Variants in METTL8 observed in about 807,000 individuals in gnomAD.
The protein encoded by METTL8 is methyltransferase 8, tRNA N3-cytidine.
In METTL8, 32 loss-of-function variants were observed where a neutral mutation model predicts 48.7. The ratio of observed to expected loss-of-function variants is 0.66; its 90% CI spans 0.50 to 0.88. METTL8 has a LOEUF of 0.88. Ranked by LOEUF, METTL8 falls within the 40% of genes least tolerant of loss-of-function variation. The pLI is 0.00. For synonymous variants in METTL8, 136 were observed against 157.1 expected (o/e 0.87, Z 1.01); for missense variants, 464 against 474.4 (o/e 0.98, Z 0.20).
intron 4 of METTL8, among the ~76,000 whole-genome samples, 168 bp downstream of exon 4, chr2:171,339,016 T>A (rs1686425539): frequency 6.6e-6 from 1 of 152,144 alleles, no homozygotes; most frequent in Admixed American, 6.5e-5. Context: ...CTTGACTGAT[T>A]AAAGACATGA....
chr2:171,329,856 C>T (rs1685341182), intron 7 of METTL8, among the ~76,000 whole-genome samples: 3 of 152,180 alleles, frequency 2.0e-5, no homozygotes. Flanking sequence ...CTTATGAAAG[C>T]ACAGACCTGG....
Position 171,339,445 on chromosome 2 carries a change from A to G in METTL8, c.345T>C (p.Leu115=). Residue 115 remains leucine, a synonymous_variant, in exon 4 of 10, where the codon CTT becomes CTC. Coordinates refer to ENST00000375258, the MANE Select transcript of METTL8 (RefSeq NM_001321154.2). ...TCTCTTCAGGTTTTTGATCAACTGG[A>G]AGAATTTCAGGAAATTCCCTCAACA... ...NWLLREFPEI[L]PVDQKPEEKA... is the part of the protein sequence containing the mutation. The G allele has an allele frequency of 1.2e-6, 2 of 1,613,576 alleles. No homozygotes were observed. Among genetic ancestry groups the G allele is most frequent in the East Asian group, 2.2e-5 (1 of 44,852 alleles).
intron 2 of METTL8, among the ~76,000 whole-genome samples, chr2:171,373,572 T>G (rs936810229): frequency 1.4e-4 from 22 of 152,258 alleles, no homozygotes; most frequent in Admixed American, 5.9e-4. Context: ...ATGTCCTGAA[T>G]GGTATTGCCT....
chr2:171,408,452 G>A (rs745652514), intron 1 of METTL8, among the ~76,000 whole-genome samples: 4 of 151,858 alleles, frequency 2.6e-5, no homozygotes, highest in Admixed American at 6.6e-5. Context: ...GCACCACCAC[G>A]CTTGGCTTTT....
chr2:171,351,948 CCTTT>C (rs1683978541), intron 3 of METTL8, among the ~76,000 whole-genome samples: 1 of 150,952 alleles, frequency 6.6e-6, no homozygotes, highest in Non-Finnish European at 1.5e-5. Context: ...AATTGAATTC[CCTTT>C]CTTTCTCTTG....
chr2:171,397,553 C>CAAA (rs34936693), intron 1 of METTL8, among the ~76,000 whole-genome samples: 32 of 52,040 alleles, frequency 6.1e-4, no homozygotes, highest in East Asian at 2.0e-3. Flanking sequence ...AACCCTGCCT[C>CAAA]AAAAAAAAAA....
intron 1 of METTL8, among the ~76,000 whole-genome samples, chr2:171,405,908 C>A (rs1301479216): frequency 1.3e-5 from 2 of 151,718 alleles, no homozygotes; most frequent in Non-Finnish European, 2.9e-5. Flanking sequence ...AGGTAGGGGG[C>A]ATGAGAAAAG....
chr2:171,356,505 A>G (rs1382361216), intron 3 of METTL8, among the ~76,000 whole-genome samples: 1 of 152,126 alleles, frequency 6.6e-6, no homozygotes, highest in Non-Finnish European at 1.5e-5. Flanking sequence ...TCTATATTGA[A>G]CATGAGGTCT....
At chr2:171,415,536 C>T (rs1261283037) in intron 1 of METTL8, among the ~76,000 whole-genome samples, 1 of 151,356 alleles carries the variant, frequency 6.6e-6, no homozygotes, top group Non-Finnish European at 1.5e-5. Context: ...ATTTTTAGTA[C>T]AGGTGGGGTT....
At position 171,318,761 on chromosome 2, in the gene METTL8, A is replaced by G. The variant is rs1322234570; in HGVS notation, c.*5411T>C. On this transcript the variant is annotated 3_prime_UTR_variant, in exon 10 of 10. Transcript: ENST00000375258. ...CTGAAACAAACTCCTCTCCACTGCT[A>G]TCGTTTTCTGCTTGACTCAGAAAGC... 1 of 151,874 alleles carries G rather than the reference A, an allele frequency of 6.6e-6. No individual in the cohort carries two copies. Among genetic ancestry groups the G allele is most frequent in the East Asian group, 1.9e-4 (1 of 5,154 alleles). The allele number at this position is 151,874 out of a possible 1,614,324, so 9.4% of individuals were successfully genotyped here.
intron 2 of METTL8, among the ~76,000 whole-genome samples, chr2:171,377,745 T>C (rs1036752455): frequency 1.3e-5 from 2 of 152,214 alleles, no homozygotes; most frequent in Non-Finnish European, 2.9e-5. Context: ...TTGGCATGTA[T>C]GTAGTGAAAA....
chr2:171,325,057 G>C (rs1684799373), intron 9 of METTL8, among the ~76,000 whole-genome samples: 2 of 146,622 alleles, frequency 1.4e-5, no homozygotes, highest in Non-Finnish European at 1.5e-5. Context: ...GCGAGGTGGA[G>C]ATGGCAGTGA....
chr2:171,324,098 T>G lies in METTL8; in HGVS notation c.*74A>C. ...CTCTTCTTTTTTTCTCATTGTCTTT[T>G]GAGAAACAATAGACTTACAGTAGTC... On this transcript the variant is annotated 3_prime_UTR_variant, in exon 10 of 10. Transcript: ENST00000375258. The G allele has an allele frequency of 2.6e-5, 29 of 1,121,884 alleles. No homozygotes were observed. The highest frequency in any genetic ancestry group is 3.0e-4 in the Middle Eastern group (1 of 3,366). The allele number at this position is 1,121,884 out of a possible 1,614,324, so 69.5% of individuals were successfully genotyped here. A position where few individuals can be genotyped will look rare whatever the true frequency, so the allele number is the denominator to read the frequency against.
At chr2:171,427,586 C>T (rs1692544709) in intron 1 of METTL8, among the ~76,000 whole-genome samples, 1 of 152,130 alleles carries the variant, frequency 6.6e-6, no homozygotes, top group Non-Finnish European at 1.5e-5. Flanking sequence ...CATCCCTTTG[C>T]CTGGACTACT....
chr2:171,347,596 G>C (rs1215227117), intron 3 of METTL8, among the ~76,000 whole-genome samples: 1 of 152,142 alleles, frequency 6.6e-6, no homozygotes, highest in Non-Finnish European at 1.5e-5. Context: ...TAACTTCCTG[G>C]AAATGAATTA....
chr2:171,346,814 TA>T (rs1159698347), intron 3 of METTL8, among the ~76,000 whole-genome samples: 1 of 152,240 alleles, frequency 6.6e-6, no homozygotes, highest in Non-Finnish European at 1.5e-5. Context: ...CCTTGACCCA[TA>T]TTCATCAGAG....
At chr2:171,373,397 T>G (rs1414653089) in intron 2 of METTL8, among the ~76,000 whole-genome samples, 2 of 152,188 alleles carry the variant, frequency 1.3e-5, no homozygotes, top group Non-Finnish European at 2.9e-5. Flanking sequence ...GTCAGATGGG[T>G]AGATTGTAAA....
Position 171,317,155 on chromosome 2 carries a change from T to A in METTL8, c.*7017A>T, listed in dbSNP as rs569178202. 3.3e-5 allele frequency among the ~76,000 whole-genome samples: 5 copies of A among 152,294 alleles called. No homozygotes were observed. Among genetic ancestry groups the A allele is most frequent in the African/African-American group, 1.2e-4 (5 of 41,558 alleles). ...GCTAATTTTAGGAAGTCACACAGGT[T>A]TAGTGCTTGCTTCCAGCGGAAAAGC... is the stretch of plus-strand genomic sequence containing the variant. On this transcript the variant is annotated 3_prime_UTR_variant, in exon 10 of 10. Coordinates refer to ENST00000375258, the MANE Select transcript of METTL8 (RefSeq NM_001321154.2).
At chr2:171,330,252 G>A (rs975786918) in intron 7 of METTL8, among the ~76,000 whole-genome samples, 3 of 152,200 alleles carry the variant, frequency 2.0e-5, no homozygotes, top group African/African-American at 7.2e-5. Context: ...CCTCTTGGGA[G>A]TCTATTAGGT....
Sources: gnomAD v4.1 joint callset for allele counts (sites outside exome capture counted in the v4.1 genomes callset) on GRCh38, gnomAD v4.1.1 for gene constraint, MANE v1.5 for transcripts, NCBI Gene and HGNC (gene_info 2026-07-23, HGNC 2026-07-21) for gene names.